Variants in ROBO2 observed in about 807,000 individuals in gnomAD.
ROBO2 encodes the protein roundabout guidance receptor 2.
ROBO2 carries 53 observed loss-of-function variants against 160.8 expected under a neutral mutation model. The ratio of observed to expected loss-of-function variants is 0.33; its 90% CI spans 0.26 to 0.41. ROBO2 has a LOEUF of 0.41. Among genes scored for constraint, ROBO2 ranks in the 10% least tolerant of loss-of-function variants. ROBO2 has a pLI of 1.00. For missense variants in ROBO2, 1,577 were observed against 1,722.4 expected (o/e 0.92, Z 1.49); for synonymous variants, 664 against 611.7 (o/e 1.09, Z -1.26).
chr3:77,101,305 G>C (rs919627203), intron 2 of ROBO2, among the ~76,000 whole-genome samples: 2 of 152,152 alleles, frequency 1.3e-5, no homozygotes, highest in Non-Finnish European at 1.5e-5. Flanking sequence ...GTTTTGTTTT[G>C]TTTTGTTTTT....
chr3:76,628,632 G>A (rs2089828676), intron 2 of ROBO2, among the ~76,000 whole-genome samples: 1 of 151,794 alleles, frequency 6.6e-6, no homozygotes, highest in South Asian at 2.1e-4. Flanking sequence ...TTTCCTCACT[G>A]GTCTAAAAAG....
At chr3:76,995,453 T>A (rs1257809878) in intron 2 of ROBO2, among the ~76,000 whole-genome samples, 1 of 152,188 alleles carries the variant, frequency 6.6e-6, no homozygotes, top group Non-Finnish European at 1.5e-5. Flanking sequence ...TATAATCCTT[T>A]GAGTATATAC....
chr3:76,543,603 A>C (rs898823192), intron 2 of ROBO2, among the ~76,000 whole-genome samples: 1 of 152,092 alleles, frequency 6.6e-6, no homozygotes, highest in African/African-American at 2.4e-5. Context: ...TAACTGCGGC[A>C]AATTATTTCA....
At chr3:76,206,092 T>C (rs957720909) in intron 2 of ROBO2, among the ~76,000 whole-genome samples, 19 of 152,092 alleles carry the variant, frequency 1.2e-4, no homozygotes, top group Non-Finnish European at 2.5e-4. Flanking sequence ...GCTCTCTCTC[T>C]ACAAATAAAG....
rs1377998748 is a variant in ROBO2 at position 76,518,548 on chromosome 3, T to C, written c.110-579466T>C. 3.3e-5 allele frequency among the ~76,000 whole-genome samples: 5 copies of C among 152,314 alleles called. No individual in the cohort carries two copies. The East Asian group carries it at 7.7e-4, about 24-fold the overall frequency. ...CTTATTGGCCAGGAATGAATCATAC[T>C]GTAGTACTTAGCAGCAAGGTGAGTT... On this transcript the variant is annotated intron_variant, in intron 2 of 26. Transcript: ENST00000487694.
At chr3:76,400,360 A>G (rs1157908664) in intron 2 of ROBO2, among the ~76,000 whole-genome samples, 3 of 151,582 alleles carry the variant, frequency 2.0e-5, no homozygotes, top group Non-Finnish European at 3.0e-5. Context: ...CTCACCCAAA[A>G]GGGGATAGCA....
At chr3:76,569,803 T>A (rs2084849687) in intron 2 of ROBO2, among the ~76,000 whole-genome samples, 1 of 152,104 alleles carries the variant, frequency 6.6e-6, no homozygotes, top group Non-Finnish European at 1.5e-5. Context: ...TCTTTTATGC[T>A]TATTAAAGGA....
At chr3:76,781,562 T>C (rs1475584869) in intron 2 of ROBO2, among the ~76,000 whole-genome samples, 1 of 150,838 alleles carries the variant, frequency 6.6e-6, no homozygotes, top group African/African-American at 2.4e-5. Context: ...ATGTTGTACA[T>C]TTCTTCTATA....
chr3:76,342,770 G>A (rs1233455084), intron 2 of ROBO2, among the ~76,000 whole-genome samples: 2 of 151,978 alleles, frequency 1.3e-5, no homozygotes, highest in East Asian at 3.9e-4. Flanking sequence ...TCTGGTACAT[G>A]TACAGATTTA....
intron 2 of ROBO2, among the ~76,000 whole-genome samples, chr3:76,228,826 G>T (rs1300109419): frequency 6.6e-6 from 1 of 152,080 alleles, no homozygotes; most frequent in Admixed American, 6.6e-5. Context: ...CCATGAAATT[G>T]GAAAATATTT....
intron 2 of ROBO2, among the ~76,000 whole-genome samples, chr3:77,112,442 C>T (rs566999805): frequency 6.6e-6 from 1 of 151,984 alleles, no homozygotes; most frequent in Non-Finnish European, 1.5e-5. Context: ...CGGGGTTTCA[C>T]CAGGTTAGCC....
intron 2 of ROBO2, among the ~76,000 whole-genome samples, chr3:76,883,265 A>G (rs185144048): frequency 6.6e-6 from 1 of 152,278 alleles, no homozygotes. Context: ...ATAAAAGTCT[A>G]CTTTGTGAGC....
intron 2 of ROBO2, among the ~76,000 whole-genome samples, chr3:76,082,207 G>A (rs2068859494): frequency 6.6e-6 from 1 of 152,302 alleles, no homozygotes; most frequent in Middle Eastern, 3.4e-3. Context: ...TATAAGAGAT[G>A]ATGTGACTAC....
intron 2 of ROBO2, among the ~76,000 whole-genome samples, chr3:76,397,483 TTAAAC>T (rs1559879374): frequency 6.6e-6 from 1 of 151,870 alleles, no homozygotes; most frequent in Non-Finnish European, 1.5e-5. Context: ...TGGGATCTAA[TTAAAC>T]TAAAGAGCTT....
intron 2 of ROBO2, among the ~76,000 whole-genome samples, chr3:76,649,024 A>G (rs1379828716): frequency 6.6e-6 from 1 of 152,122 alleles, no homozygotes; most frequent in East Asian, 1.9e-4. Flanking sequence ...GCAGTACGTC[A>G]GGAAATGGAA....
chr3:76,351,703 T>A (rs757504249), intron 2 of ROBO2, among the ~76,000 whole-genome samples: 5 of 151,954 alleles, frequency 3.3e-5, no homozygotes, highest in Non-Finnish European at 1.5e-5. Context: ...ATGTATAACC[T>A]CACATACATG....
chr3:77,057,078 A>T (rs546743517), intron 1 of ROBO2, among the ~76,000 whole-genome samples: 50 of 152,176 alleles, frequency 3.3e-4, no homozygotes, highest in Non-Finnish European at 6.0e-4. Flanking sequence ...TCCATCAGGG[A>T]TAGACTGGAT....
intron 2 of ROBO2, among the ~76,000 whole-genome samples, chr3:76,340,367 C>T (rs2108157169): frequency 6.6e-6 from 1 of 152,224 alleles, no homozygotes; most frequent in African/African-American, 2.4e-5. Context: ...CCTCCTTGAC[C>T]ATGTTCAAGA....
intron 2 of ROBO2, among the ~76,000 whole-genome samples, chr3:76,335,338 G>T (rs1335440202): frequency 6.6e-6 from 1 of 150,854 alleles, no homozygotes; most frequent in African/African-American, 2.4e-5. Context: ...GTGCCACCAC[G>T]CCTGGTTAAT....
Sources: gnomAD v4.1 joint callset for allele counts (sites outside exome capture counted in the v4.1 genomes callset) on GRCh38, gnomAD v4.1.1 for gene constraint, MANE v1.5 for transcripts, NCBI Gene and HGNC (gene_info 2026-07-23, HGNC 2026-07-21) for gene names.